The following ERAP1 variants were observed in gnomAD, a reference collection of about 807,000 sequenced individuals.
ERAP1 encodes adipocyte-derived leucine aminopeptidase.
In ERAP1, 86 loss-of-function variants were observed where a neutral mutation model predicts 103.7. The observed-to-expected ratio is 0.83, with a 90% confidence interval of 0.70 to 0.99. The LOEUF (loss-of-function observed/expected upper bound fraction) is 0.99, where lower values mean the gene tolerates loss of function less well. Ranked by LOEUF, ERAP1 falls within the 50% of genes least tolerant of loss-of-function variation. The pLI, the probability that ERAP1 is intolerant of heterozygous loss-of-function variation, is 0.00. For missense variants in ERAP1, 1,009 were observed against 1,128.4 expected (o/e 0.89, Z 1.52); for synonymous variants, 398 against 402.4 (o/e 0.99, Z 0.13).
the ERAP1 span, among the ~76,000 whole-genome samples, chr5:96,828,034 A>G: frequency 3.3e-5 from 5 of 152,244 alleles, no homozygotes; most frequent in African/African-American, 1.2e-4. Context: ...TAAGCCTGTT[A>G]GAAGTGGATA....
chr5:96,916,456 C>CTTT, the ERAP1 span, among the ~76,000 whole-genome samples: 238 of 97,628 alleles, frequency 2.4e-3, 1 homozygote, highest in African/African-American at 4.2e-3. Context: ...TTCTAGTTAT[C>CTTT]TTTTTTTTTT....
chr5:96,793,808 G>A lies in ERAP1; in HGVS notation c.1069C>T (p.His357Tyr). 1 of 1,613,160 alleles carries A rather than the reference G, an allele frequency of 6.2e-7. No individual in the cohort carries two copies. Among genetic ancestry groups the A allele is most frequent in the Non-Finnish European group, 8.5e-7 (1 of 1,179,218 alleles). ...AAGTGTGAATGAGCTTATACCTGGT[G>A]AGCCAGTTCATGGGCCACAGTCATT... ...ITMTVAHELA[H>Y]QWFGNLVTME... The change falls in exon 6 of 19, where the codon CAC becomes TAC. Residue 357 changes from histidine (H) to tyrosine (Y), a missense_variant. His to Tyr is a moderately conservative substitution (Grantham distance 83). Coordinates refer to ENST00000443439, the MANE Select transcript of ERAP1 (RefSeq NM_001040458.3).
At chr5:96,833,905 T>A in the ERAP1 span, among the ~76,000 whole-genome samples, 1 of 152,222 alleles carries the variant, frequency 6.6e-6, no homozygotes. Context: ...CACGTATCTT[T>A]GTCTTTGTAT....
At position 96,807,856 on chromosome 5, in the gene ERAP1, GTACC is replaced by G. The variant is rs1778832966; in HGVS notation, c.-18_-18+3del. On this transcript the variant is annotated splice_donor_variant and splice_donor_region_variant and 5_prime_UTR_variant and intron_variant, in exon 1 of 19. Coordinates refer to ENST00000443439, the MANE Select transcript of ERAP1 (RefSeq NM_001040458.3). LOFTEE classifies it low-confidence loss of function (5UTR_SPLICE). ...CCCCTACCCGCGGCTCGAGCGCGCTGTACCTGGGGTTCTGGGGCCGCCCTCACCC... is the reference window on the plus strand; with the variant it reads ...CCCCTACCCGCGGCTCGAGCGCGCTGTGGGGTTCTGGGGCCGCCCTCACCC... 1.0e-6 allele frequency: 1 copy of G among 985,858 alleles called. No homozygotes were observed. The highest frequency in any genetic ancestry group is 4.7e-5 in the South Asian group (1 of 21,388). The allele number at this position is 985,858 out of a possible 1,614,324, so 61.1% of individuals were successfully genotyped here. A position where few individuals can be genotyped will look rare whatever the true frequency, so the allele number is the denominator to read the frequency against.
chr5:96,836,180 T>TA, the ERAP1 span, among the ~76,000 whole-genome samples: 1 of 149,978 alleles, frequency 6.7e-6, no homozygotes, highest in African/African-American at 2.4e-5. Context: ...TCTTTGGTTT[T>TA]TTTTTTTTTT....
chr5:96,847,949 A>C, the ERAP1 span, among the ~76,000 whole-genome samples: 1 of 152,192 alleles, frequency 6.6e-6, no homozygotes, highest in Admixed American at 6.5e-5. Flanking sequence ...TAGTACAAGG[A>C]AGGAAATAAC....
the ERAP1 span, among the ~76,000 whole-genome samples, chr5:96,885,066 T>G: frequency 6.6e-6 from 1 of 152,222 alleles, no homozygotes; most frequent in African/African-American, 2.4e-5. Flanking sequence ...TGAACAAAAC[T>G]CAGCCTCCAT....
intron 13 of ERAP1, chr5:96,784,823 A>G (rs1775773656): frequency 6.6e-6 from 1 of 152,442 alleles, no homozygotes; most frequent in Non-Finnish European, 1.5e-5. Context: ...ACCCTTCATT[A>G]CAGAGGGTTA....
the ERAP1 span, chr5:96,896,871 A>G: frequency 6.4e-7 from 1 of 1,570,698 alleles, no homozygotes; most frequent in Non-Finnish European, 8.6e-7. Context: ...AATGTAAGTC[A>G]TATGTTGGGT....
At chr5:96,915,690 T>A in the ERAP1 span, 2 of 1,513,546 alleles carry the variant, frequency 1.3e-6, no homozygotes, top group Non-Finnish European at 1.8e-6. Context: ...ATTTTCAGAT[T>A]TGACTTGGGC....
At chr5:96,883,925 C>G in the ERAP1 span, 1 of 1,595,978 alleles carries the variant, frequency 6.3e-7, no homozygotes, top group Non-Finnish European at 8.5e-7. Context: ...ATCCAACATG[C>G]CAAAGGTATG....
At chr5:96,922,462 A>G in the ERAP1 span, among the ~76,000 whole-genome samples, 1 of 152,166 alleles carries the variant, frequency 6.6e-6, no homozygotes, top group South Asian at 2.1e-4. Flanking sequence ...GGCACATAAG[A>G]CTGCTGGCAT....
the ERAP1 span, among the ~76,000 whole-genome samples, chr5:96,922,354 C>G: frequency 1.3e-5 from 2 of 152,266 alleles, no homozygotes; most frequent in Non-Finnish European, 2.9e-5. Context: ...GTTGCAAATT[C>G]TATCTCGTCT....
At chr5:96,768,429 A>G in intron 19 of ERAP1, 1 of 455,570 alleles carries the variant, frequency 2.2e-6, no homozygotes, top group South Asian at 1.6e-5. Flanking sequence ...TGATATAGAG[A>G]ACCTGAAAAT....
chr5:96,859,977 A>C, the ERAP1 span, among the ~76,000 whole-genome samples: 3 of 152,200 alleles, frequency 2.0e-5, no homozygotes, highest in African/African-American at 7.2e-5. Flanking sequence ...AGTGAATGGC[A>C]TATCGTTTTG....
chr5:96,915,807 T>C, the ERAP1 span: 2 of 1,462,960 alleles, frequency 1.4e-6, no homozygotes, highest in South Asian at 2.5e-5. Flanking sequence ...TCAAAATAAA[T>C]GTTCAAATTG....
At chr5:96,881,501 T>G in the ERAP1 span, 1 of 456,062 alleles carries the variant, frequency 2.2e-6, no homozygotes. Context: ...TCTGGCTCAG[T>G]GCACTCTCAC....
the ERAP1 span, among the ~76,000 whole-genome samples, chr5:96,877,099 C>T: frequency 3.3e-5 from 5 of 152,160 alleles, no homozygotes; most frequent in African/African-American, 9.7e-5. Context: ...CTCAGCCTCC[C>T]GAGTAGCTAG....
the ERAP1 span, among the ~76,000 whole-genome samples, chr5:96,920,387 C>T: frequency 2.0e-5 from 3 of 151,976 alleles, no homozygotes; most frequent in Admixed American, 2.0e-4. Flanking sequence ...CTCTTCATTC[C>T]TTGTTATGAC....
Sources: gnomAD v4.1 joint callset for allele counts (sites outside exome capture counted in the v4.1 genomes callset) on GRCh38, gnomAD v4.1.1 for gene constraint, MANE v1.5 for transcripts, NCBI Gene and HGNC (gene_info 2026-07-23, HGNC 2026-07-21) for gene names.